Variants in GPC5 observed in about 807,000 individuals in gnomAD.
GPC5 encodes the protein glypican 5.
In GPC5, 47 loss-of-function variants were observed where a neutral mutation model predicts 53.9. The observed-to-expected ratio is 0.87, with a 90% CI of 0.69 to 1.11. The LOEUF (loss-of-function observed/expected upper bound fraction) is 1.11. GPC5 is among the 50% of genes most tolerant of loss of function. The probability of loss-of-function intolerance (pLI) is 0.00; values close to 1 mark genes in which losing one functional copy is unlikely to be tolerated. For synonymous variants in GPC5, 286 were observed against 263.3 expected (o/e 1.09, Z -0.84); for missense variants, 748 against 713.1 (o/e 1.05, Z -0.56).
intron 4 of GPC5, among the ~76,000 whole-genome samples, chr13:91,742,209 A>C (rs1436936134): frequency 2.0e-5 from 3 of 152,158 alleles, no homozygotes; most frequent in Non-Finnish European, 4.4e-5. Flanking sequence ...ACAGGCGCAC[A>C]GGAAAAGCAA....
intron 5 of GPC5, among the ~76,000 whole-genome samples, chr13:91,866,221 A>G (rs1367718472): frequency 6.6e-6 from 1 of 152,230 alleles, no homozygotes; most frequent in Non-Finnish European, 1.5e-5. Flanking sequence ...GAAAAGGTAT[A>G]AATGTCTCAA....
intron 7 of GPC5, among the ~76,000 whole-genome samples, chr13:92,790,896 A>G (rs1009967098): frequency 1.3e-5 from 2 of 152,170 alleles, no homozygotes; most frequent in Non-Finnish European, 2.9e-5. Flanking sequence ...GTTAAAAAAT[A>G]AAAATAAGAT....
At chr13:91,456,303 T>A (rs969823840) in intron 2 of GPC5, among the ~76,000 whole-genome samples, 2 of 152,074 alleles carry the variant, frequency 1.3e-5, no homozygotes, top group African/African-American at 4.8e-5. Flanking sequence ...TCTTTTTTTT[T>A]AGTATTAGTT....
At chr13:92,062,788 A>G (rs9523497) in intron 6 of GPC5, among the ~76,000 whole-genome samples, 84,824 of 151,598 alleles carry the variant, frequency 0.56, 24,167 homozygotes, top group East Asian at 0.79. Context: ...GTTCCAAGGA[A>G]AATTAAAATA....
intron 6 of GPC5, among the ~76,000 whole-genome samples, chr13:92,044,115 C>A (rs902692673): frequency 6.6e-6 from 1 of 152,160 alleles, no homozygotes; most frequent in Non-Finnish European, 1.5e-5. Flanking sequence ...TGGCGTTATT[C>A]TTCTTAGTTC....
At position 91,983,992 on chromosome 13, in the gene GPC5, G is replaced by A. The variant is rs532686994; in HGVS notation, c.1401+75935G>A. On this transcript the variant is annotated intron_variant, in intron 6 of 7. Transcript: ENST00000377067. ...TGGCTTCATCAGCACTCACTGCTTG[G>A]ATGAGCGTGGTCAAATAACCATCGA... Among the ~76,000 whole-genome samples, 230 of 152,220 alleles carry A rather than the reference G, an allele frequency of 1.5e-3. 1 individual carries two copies. The Middle Eastern group carries it at 0.051, about 34-fold the overall frequency.
At chr13:92,510,974 TA>T (rs1476521819) in intron 7 of GPC5, among the ~76,000 whole-genome samples, 1 of 152,176 alleles carries the variant, frequency 6.6e-6, no homozygotes, top group Non-Finnish European at 1.5e-5. Flanking sequence ...TTCTCAACAT[TA>T]AAGTAGATCA....
At chr13:91,855,622 T>C (rs1465346978) in intron 5 of GPC5, among the ~76,000 whole-genome samples, 1 of 151,582 alleles carries the variant, frequency 6.6e-6, no homozygotes, top group Non-Finnish European at 1.5e-5. Context: ...ACCAAACAGG[T>C]TACTGCCAGG....
intron 7 of GPC5, among the ~76,000 whole-genome samples, chr13:92,352,758 C>G (rs116622575): frequency 0.013 from 1,968 of 152,188 alleles, 45 homozygotes; most frequent in African/African-American, 0.045. Flanking sequence ...TGGAAGTATA[C>G]ATTAGTAAAC....
At chr13:91,859,936 A>C (rs1279017133) in intron 5 of GPC5, among the ~76,000 whole-genome samples, 1 of 152,066 alleles carries the variant, frequency 6.6e-6, no homozygotes, top group Non-Finnish European at 1.5e-5. Context: ...TTTAATTGAC[A>C]CATAATAATT....
chr13:92,636,202 CA>C (rs1885398677), intron 7 of GPC5, among the ~76,000 whole-genome samples: 1 of 152,132 alleles, frequency 6.6e-6, no homozygotes, highest in Non-Finnish European at 1.5e-5. Flanking sequence ...GTCAACTAAG[CA>C]TTTGTAAGAA....
chr13:92,530,655 C>G (rs1881531244), intron 7 of GPC5, among the ~76,000 whole-genome samples: 1 of 152,058 alleles, frequency 6.6e-6, no homozygotes, highest in Admixed American at 6.5e-5. Flanking sequence ...CTCTAACATT[C>G]AAGGTTTCCA....
intron 6 of GPC5, among the ~76,000 whole-genome samples, chr13:91,938,849 A>G (rs951124817): frequency 1.3e-5 from 2 of 152,224 alleles, no homozygotes; most frequent in Admixed American, 6.5e-5. Flanking sequence ...GATGCTTTAA[A>G]ATTATGTGAA....
intron 6 of GPC5, among the ~76,000 whole-genome samples, chr13:92,047,436 A>G (rs568603516): frequency 2.0e-4 from 19 of 95,970 alleles, no homozygotes; most frequent in African/African-American, 6.2e-4. Flanking sequence ...TAAACTATAT[A>G]TATATATTTT....
chr13:91,727,661 T>C (rs1254380192), intron 3 of GPC5, among the ~76,000 whole-genome samples: 1 of 152,162 alleles, frequency 6.6e-6, no homozygotes, highest in Non-Finnish European at 1.5e-5. Flanking sequence ...AACTTCTTCA[T>C]TGTGCACATT....
At chr13:92,681,230 G>T (rs1032412349) in intron 7 of GPC5, among the ~76,000 whole-genome samples, 1 of 151,990 alleles carries the variant, frequency 6.6e-6, no homozygotes, top group African/African-American at 2.4e-5. Flanking sequence ...TTGTATTGAG[G>T]ATTAAAATAT....
At chr13:91,964,817 A>T (rs1206644749) in intron 6 of GPC5, among the ~76,000 whole-genome samples, 1 of 152,094 alleles carries the variant, frequency 6.6e-6, no homozygotes. Flanking sequence ...ACAATAGCAA[A>T]GACTTGGAAC....
At chr13:91,547,217 G>C (rs1367914328) in intron 2 of GPC5, among the ~76,000 whole-genome samples, 1 of 152,046 alleles carries the variant, frequency 6.6e-6, no homozygotes, top group African/African-American at 2.4e-5. Context: ...AAGATATTTA[G>C]CAATATTGGT....
chr13:91,538,683 C>T (rs761179124), intron 2 of GPC5, among the ~76,000 whole-genome samples: 9 of 150,604 alleles, frequency 6.0e-5, no homozygotes, highest in Non-Finnish European at 1.0e-4. Context: ...CCCGGATTCA[C>T]GCCCTTCTCT....
Sources: allele counts gnomAD v4.1 joint callset (sites outside exome capture counted in the v4.1 genomes callset), GRCh38; gene constraint gnomAD v4.1.1; transcripts MANE v1.5; gene names NCBI Gene and HGNC (gene_info 2026-07-23, HGNC 2026-07-21).